EXT1: variants seen among roughly 807,000 people sequenced by gnomAD.
EXT1 encodes exostosin glycosyltransferase 1, also known as exostosin-1.
A neutral mutation model predicts 82.5 loss-of-function variants in EXT1; 20 were observed. The ratio of observed to expected loss-of-function variants is 0.24; its 90% CI spans 0.17 to 0.35. The LOEUF (loss-of-function observed/expected upper bound fraction) is 0.35, where lower values mean the gene tolerates loss of function less well. EXT1 is among the 10% of genes least tolerant of loss of function. The pLI is 1.00. For synonymous variants in EXT1, 348 were observed against 350.8 expected (o/e 0.99, Z 0.09); for missense variants, 757 against 936.5 (o/e 0.81, Z 2.50).
chr8:118,014,491 G>C (rs1483067814), intron 1 of EXT1, among the ~76,000 whole-genome samples: 1 of 152,192 alleles, frequency 6.6e-6, no homozygotes, highest in Non-Finnish European at 1.5e-5. Context: ...GAGAATGTCA[G>C]CATTAGAACC....
At chr8:117,809,829 G>A (rs2129710955) in intron 8 of EXT1, among the ~76,000 whole-genome samples, 2 of 152,222 alleles carry the variant, frequency 1.3e-5, no homozygotes, top group East Asian at 3.9e-4. Flanking sequence ...GACAACTGAT[G>A]GGACAGTATA....
At chr8:117,816,997 G>C (rs578162688) in intron 7 of EXT1, among the ~76,000 whole-genome samples, 117 of 152,246 alleles carry the variant, frequency 7.7e-4, no homozygotes, top group Middle Eastern at 3.4e-3. Flanking sequence ...TCTATGGGGG[G>C]GATGGATATA....
At chr8:118,058,020 C>T (rs1816823255) in intron 1 of EXT1, among the ~76,000 whole-genome samples, 3 of 150,918 alleles carry the variant, frequency 2.0e-5, no homozygotes, top group Non-Finnish European at 3.0e-5. Flanking sequence ...CGAAAGTGAT[C>T]TGCACCAGAG....
At chr8:117,985,174 C>T (rs11987653) in intron 1 of EXT1, among the ~76,000 whole-genome samples, 4,139 of 152,256 alleles carry the variant, frequency 0.027, 200 homozygotes, top group African/African-American at 0.09. Flanking sequence ...CCATACATAC[C>T]AAACCAAATC....
At chr8:118,082,951 A>C (rs1172330019) in intron 1 of EXT1, among the ~76,000 whole-genome samples, 2 of 152,148 alleles carry the variant, frequency 1.3e-5, no homozygotes, top group African/African-American at 4.8e-5. Flanking sequence ...GGCCAGCACT[A>C]CTGATTACAC....
intron 4 of EXT1, among the ~76,000 whole-genome samples, chr8:117,828,188 T>C (rs1812039010): frequency 6.6e-6 from 1 of 152,198 alleles, no homozygotes; most frequent in African/African-American, 2.4e-5. Flanking sequence ...TGGGGATATA[T>C]ATATCAATAG....
intron 1 of EXT1, among the ~76,000 whole-genome samples, chr8:117,915,880 A>AAAACT (rs1813740003): frequency 1.3e-5 from 2 of 152,080 alleles, no homozygotes; most frequent in Non-Finnish European, 2.9e-5. Context: ...AAAACAAAAC[A>AAAACT]AAACAAAACA....
At chr8:118,086,720 C>G (rs1288311476) in intron 1 of EXT1, among the ~76,000 whole-genome samples, 1 of 151,784 alleles carries the variant, frequency 6.6e-6, no homozygotes, top group East Asian at 1.9e-4. Context: ...AATTTCAATG[C>G]AAAAAGATAA....
At chr8:118,087,114 C>A (rs1225911807) in intron 1 of EXT1, among the ~76,000 whole-genome samples, 2 of 152,160 alleles carry the variant, frequency 1.3e-5, no homozygotes, top group African/African-American at 2.4e-5. Flanking sequence ...TGGATAGAAA[C>A]AATGAAAACA....
At chr8:117,880,933 C>G (rs112969745) in intron 1 of EXT1, among the ~76,000 whole-genome samples, 29 of 152,016 alleles carry the variant, frequency 1.9e-4, no homozygotes, top group African/African-American at 7.0e-4. Flanking sequence ...TTGGGTTTAT[C>G]GACCTATTAA....
chr8:117,942,667 T>C (rs1000859187), intron 1 of EXT1, among the ~76,000 whole-genome samples: 10 of 152,068 alleles, frequency 6.6e-5, no homozygotes, highest in African/African-American at 1.9e-4. Flanking sequence ...GCTGAGATCA[T>C]GCCATTGCAC....
intron 1 of EXT1, among the ~76,000 whole-genome samples, chr8:117,984,553 T>C (rs1366999840): frequency 1.3e-5 from 2 of 149,070 alleles, no homozygotes; most frequent in Non-Finnish European, 1.5e-5. Context: ...TTGGGAAGAG[T>C]GGTCCAGACA....
chr8:117,957,240 T>C (rs1178679473), intron 1 of EXT1, among the ~76,000 whole-genome samples: 1 of 152,206 alleles, frequency 6.6e-6, no homozygotes, highest in Non-Finnish European at 1.5e-5. Context: ...CATCACCCCC[T>C]TATTGCTGAT....
At chr8:117,828,563 A>G (rs749614386) in intron 4 of EXT1, among the ~76,000 whole-genome samples, 5 of 152,190 alleles carry the variant, frequency 3.3e-5, no homozygotes, top group Non-Finnish European at 7.4e-5. Context: ...ATAACATTCA[A>G]CATTCTTTAA....
chr8:118,058,712 A>G (rs1248200597), intron 1 of EXT1, among the ~76,000 whole-genome samples: 1 of 152,190 alleles, frequency 6.6e-6, no homozygotes, highest in Non-Finnish European at 1.5e-5. Context: ...CATGATATAG[A>G]TTAAATAGAT....
intron 1 of EXT1, among the ~76,000 whole-genome samples, chr8:117,897,823 G>A (rs1813370914): frequency 6.6e-6 from 1 of 151,744 alleles, no homozygotes. Context: ...GGCTGGTTTT[G>A]AACTCCTGGG....
intron 1 of EXT1, among the ~76,000 whole-genome samples, chr8:117,868,404 T>C (rs1402271954): frequency 6.6e-6 from 1 of 152,222 alleles, no homozygotes; most frequent in Non-Finnish European, 1.5e-5. Context: ...TTGGGAATCA[T>C]TGAAGCCAAT....
intron 1 of EXT1, among the ~76,000 whole-genome samples, chr8:118,020,500 T>C (rs1465493296): frequency 6.6e-6 from 1 of 152,246 alleles, no homozygotes; most frequent in Admixed American, 6.5e-5. Flanking sequence ...TAGTGCATTA[T>C]CTGATCAAAG....
intron 1 of EXT1, among the ~76,000 whole-genome samples, chr8:117,930,253 C>T (rs934466808): frequency 2.6e-5 from 4 of 152,152 alleles, no homozygotes; most frequent in African/African-American, 9.7e-5. Context: ...ATTCACACCT[C>T]AAGAGGAAGA....
Sources: allele counts gnomAD v4.1 joint callset (sites outside exome capture counted in the v4.1 genomes callset), GRCh38; gene constraint gnomAD v4.1.1; transcripts MANE v1.5; gene names NCBI Gene and HGNC (gene_info 2026-07-23, HGNC 2026-07-21).